The following NEMP2 variants were observed in gnomAD, a reference collection of about 807,000 sequenced individuals.
NEMP2 encodes nuclear envelope integral membrane protein 2.
Under a neutral mutation model 54.2 loss-of-function variants are expected in NEMP2, and 53 were observed. The ratio of observed to expected loss-of-function variants is 0.98; its 90% CI spans 0.78 to 1.23. The LOEUF (loss-of-function observed/expected upper bound fraction) is 1.23. NEMP2 is among the 50% of genes most tolerant of loss of function. The pLI is 0.00. For missense variants in NEMP2, 455 were observed against 511.3 expected, an observed-to-expected ratio of 0.89 and a Z score of 1.06; for synonymous variants, 197 against 190.3, an observed-to-expected ratio of 1.04 and a Z score of -0.29.
chr2:190,437,104 G>T, the NEMP2 span: 1 of 1,614,236 alleles, frequency 6.2e-7, no homozygotes. The surrounding 1 kb of genome is among the most constrained non-coding windows in gnomAD (Gnocchi z 5.9). Context: ...CGATGGAAAG[G>T]GGTGTAAGCC....
chr2:190,624,909 C>A, the NEMP2 span: 1 of 152,146 alleles, frequency 6.6e-6, no homozygotes, highest in African/African-American at 2.4e-5. Flanking sequence ...CACAAGAAAC[C>A]ACTTCACATC....
chr2:190,489,797 A>G, the NEMP2 span: 4 of 1,614,168 alleles, frequency 2.5e-6, no homozygotes, highest in Middle Eastern at 1.6e-4. This position sits in a 1 kb window ranked among gnomAD's most constrained non-coding sequence, Gnocchi z 6.6. Context: ...AGGAATTGGC[A>G]TGGCCTGCTT....
At chr2:190,497,483 G>C in the NEMP2 span, 10 of 1,613,944 alleles carry the variant, frequency 6.2e-6, no homozygotes, top group Non-Finnish European at 8.5e-6. This position sits in a 1 kb window ranked among gnomAD's most constrained non-coding sequence, Gnocchi z 5.2. Flanking sequence ...CTCCAGTCCC[G>C]TTCCTATAGC....
At chr2:190,458,661 T>G in the NEMP2 span, among the ~76,000 whole-genome samples, 1 of 152,188 alleles carries the variant, frequency 6.6e-6, no homozygotes, top group African/African-American at 2.4e-5. The surrounding 1 kb of genome is among the most constrained non-coding windows in gnomAD (Gnocchi z 5.3). Flanking sequence ...ATATGGAACT[T>G]GCTGTCTCCA....
At chr2:190,637,977 A>T in the NEMP2 span, among the ~76,000 whole-genome samples, 1 of 152,226 alleles carries the variant, frequency 6.6e-6, no homozygotes, top group Non-Finnish European at 1.5e-5. This position sits in a 1 kb window ranked among gnomAD's most constrained non-coding sequence, Gnocchi z 4.5. Flanking sequence ...CCTTGTCAGG[A>T]AACAAATGCA....
At chr2:190,605,551 A>G in the NEMP2 span, among the ~76,000 whole-genome samples, 32 of 151,858 alleles carry the variant, frequency 2.1e-4, no homozygotes, top group African/African-American at 7.7e-4. Flanking sequence ...ATTTTCTTGT[A>G]TTTTTAGTAG....
the NEMP2 span, chr2:190,437,266 A>G: frequency 6.2e-7 from 1 of 1,614,192 alleles, no homozygotes; most frequent in Non-Finnish European, 8.5e-7. The surrounding 1 kb of genome is among the most constrained non-coding windows in gnomAD (Gnocchi z 5.9). Context: ...GCAGGTGGAA[A>G]GGAACAACTC....
the NEMP2 span, among the ~76,000 whole-genome samples, chr2:190,596,633 C>T: frequency 8.1e-3 from 1,232 of 152,186 alleles, 14 homozygotes; most frequent in African/African-American, 0.027. This position sits in a 1 kb window ranked among gnomAD's most constrained non-coding sequence, Gnocchi z 5.1. Flanking sequence ...AAACATTGGT[C>T]GCTTGTCTTT....
chr2:190,560,798 C>T, the NEMP2 span, among the ~76,000 whole-genome samples: 1 of 152,336 alleles, frequency 6.6e-6, no homozygotes, highest in Admixed American at 6.5e-5. This position sits in a 1 kb window ranked among gnomAD's most constrained non-coding sequence, Gnocchi z 5.4. Context: ...AGATTAGCCA[C>T]TTTGACTCAA....
chr2:190,425,142 T>G, the NEMP2 span, among the ~76,000 whole-genome samples: 14 of 152,230 alleles, frequency 9.2e-5, no homozygotes, highest in African/African-American at 3.4e-4. This position sits in a 1 kb window ranked among gnomAD's most constrained non-coding sequence, Gnocchi z 4.3. Flanking sequence ...GGTGTCCATG[T>G]GTTCATTGCT....
chr2:190,529,384 G>A lies in NEMP2; in HGVS notation c.98-4006C>T, dbSNP rs1292707634. ...TGGCCTTCCTGTCCTCAAGATGCCA[G>A]CGAGCCCCCACATAAAGTTTCCTCA... On this transcript the variant is annotated intron_variant, in intron 1 of 8. Transcript: ENST00000409150. This position sits in a 1 kb window ranked among gnomAD's most constrained non-coding sequence, Gnocchi z 4.7. Among the ~76,000 whole-genome samples, 1 of 151,988 alleles carries A rather than the reference G, an allele frequency of 6.6e-6. No individual in the cohort carries two copies. Among genetic ancestry groups the A allele is most frequent in the African/African-American group, 2.4e-5 (1 of 41,350 alleles).
chr2:190,436,745 A>T, the NEMP2 span: 3 of 1,614,068 alleles, frequency 1.9e-6, no homozygotes, highest in African/African-American at 4.0e-5. The surrounding 1 kb of genome is among the most constrained non-coding windows in gnomAD (Gnocchi z 5.3). Flanking sequence ...CGTATGATGG[A>T]CTTGACTTTG....
chr2:190,629,572 AG>A, the NEMP2 span, among the ~76,000 whole-genome samples: 1 of 152,234 alleles, frequency 6.6e-6, no homozygotes, highest in East Asian at 1.9e-4. Context: ...GTTTATAAAT[AG>A]AATAATTCAT....
chr2:190,510,958 T>C lies in NEMP2; in HGVS notation c.954-421A>G, dbSNP rs1690343410. 6.6e-6 allele frequency among the ~76,000 whole-genome samples: 1 copy of C among 152,148 alleles called. No individual in the cohort carries two copies. Among genetic ancestry groups the C allele is most frequent in the Non-Finnish European group, 1.5e-5 (1 of 68,022 alleles). On this transcript the variant is annotated intron_variant, in intron 7 of 8. Transcript: ENST00000409150. This position sits in a 1 kb window ranked among gnomAD's most constrained non-coding sequence, Gnocchi z 5.7. The stretch of plus-strand genomic sequence containing the variant: ...ATAATACTTCTTAACTTCCTCTATA[T>C]CATATCTATACTTTTTTATTGCTGT...
chr2:190,466,274 G>C, the NEMP2 span, among the ~76,000 whole-genome samples: 2 of 152,186 alleles, frequency 1.3e-5, no homozygotes, highest in African/African-American at 4.8e-5. Flanking sequence ...TGAACTGGGG[G>C]AACACATGGT....
At chr2:190,518,155 A>G (rs961479570) in intron 4 of NEMP2, among the ~76,000 whole-genome samples, 7 of 152,240 alleles carry the variant, frequency 4.6e-5, no homozygotes, top group African/African-American at 1.7e-4. Flanking sequence ...TAGAATCTAC[A>G]AGCTAAGAAG....
At chr2:190,434,010 G>A in the NEMP2 span, among the ~76,000 whole-genome samples, 1 of 151,820 alleles carries the variant, frequency 6.6e-6, no homozygotes, top group Non-Finnish European at 1.5e-5. This position sits in a 1 kb window ranked among gnomAD's most constrained non-coding sequence, Gnocchi z 4.3. Flanking sequence ...GGGCAACATG[G>A]CAAAAACCCC....
the NEMP2 span, chr2:190,626,800 G>T: frequency 6.6e-6 from 1 of 152,172 alleles, no homozygotes; most frequent in Admixed American, 6.5e-5. This position sits in a 1 kb window ranked among gnomAD's most constrained non-coding sequence, Gnocchi z 4.5. Context: ...ATTATTCTGG[G>T]TTTCCCAAGT....
chr2:190,482,876 T>TG, the NEMP2 span, among the ~76,000 whole-genome samples: 3 of 27,006 alleles, frequency 1.1e-4, no homozygotes, highest in Non-Finnish European at 2.0e-4. Flanking sequence ...ATCTTTTTTT[T>TG]TTTTTTTTTT....
Sources: allele counts gnomAD v4.1 joint callset (sites outside exome capture counted in the v4.1 genomes callset), GRCh38; gene constraint gnomAD v4.1.1; non-coding constraint Gnocchi (gnomAD v3.1); transcripts MANE v1.5; gene names NCBI Gene and HGNC (gene_info 2026-07-23, HGNC 2026-07-21).